The following TET3 variants were observed in gnomAD, a reference collection of about 807,000 sequenced individuals.
The protein encoded by TET3 is methylcytosine dioxygenase TET3.
A neutral mutation model predicts 141.4 loss-of-function variants in TET3; 19 were observed. That is an observed-to-expected ratio of 0.13 (90% CI 0.09 to 0.20). TET3 has a LOEUF of 0.20. Ranked by LOEUF, TET3 falls within the 10% of genes least tolerant of loss-of-function variation. The probability of loss-of-function intolerance (pLI) is 1.00; values close to 1 mark genes in which losing one functional copy is unlikely to be tolerated. For synonymous variants in TET3, 1,043 were observed against 980.9 expected, an observed-to-expected ratio of 1.06 and a Z score of -1.18; for missense variants, 1,874 against 2,356.9, an observed-to-expected ratio of 0.80 and a Z score of 4.24.
intron 3 of TET3, among the ~76,000 whole-genome samples, chr2:74,035,323 G>T (rs1452795746): frequency 1.3e-5 from 2 of 149,038 alleles, no homozygotes; most frequent in African/African-American, 5.0e-5. Context: ...AATGAGCTGG[G>T]CATGGTGGTG....
intron 2 of TET3, chr2:74,002,700 C>T (rs949641771): frequency 2.8e-5 from 12 of 431,430 alleles, no homozygotes; most frequent in African/African-American, 1.9e-4. Context: ...GCGCAGCCGG[C>T]AGCTGGCCGC....
intron 4 of TET3, among the ~76,000 whole-genome samples, chr2:74,065,556 T>G (rs963212985): frequency 1.1e-3 from 102 of 96,236 alleles, no homozygotes; most frequent in African/African-American, 8.1e-3. Context: ...CTTTTTTTTG[T>G]TTTTTTTTTT....
chr2:74,087,937 G>A lies in TET3; in HGVS notation c.2787G>A (p.Glu929=), dbSNP rs901944488. 4 of 1,552,960 alleles carry A rather than the reference G, an allele frequency of 2.6e-6. No homozygotes were observed. In the East Asian group the frequency reaches 9.8e-5, roughly 38 times the overall value. ...AVIVILILAW[E]GIPRSLGDTL... Reference sequence around the variant, plus strand: ...TCGTCATCCTCATCCTGGCCTGGGAGGGCATTCCCCGTAGCCTCGGAGACA... The same window carrying A: ...TCGTCATCCTCATCCTGGCCTGGGAAGGCATTCCCCGTAGCCTCGGAGACA... Residue 929 remains glutamate, a synonymous_variant, in exon 7 of 12, where the codon GAG becomes GAA. Coordinates refer to ENST00000409262, the MANE Select transcript of TET3 (RefSeq NM_001287491.2). The surrounding 1 kb of genome is among the most constrained non-coding windows in gnomAD (Gnocchi z 4.3).
At chr2:74,081,723 C>T (rs1361501119) in intron 6 of TET3, among the ~76,000 whole-genome samples, 1 of 152,214 alleles carries the variant, frequency 6.6e-6, no homozygotes, top group Non-Finnish European at 1.5e-5. Context: ...TATGCTACAA[C>T]ATGTGTAGGA....
At chr2:73,984,572 G>A (rs892422781), upstream of TET3, among the ~76,000 whole-genome samples, 3 of 151,956 alleles carry the variant, frequency 2.0e-5, no homozygotes, top group African/African-American at 7.2e-5. This position sits in a 1 kb window ranked among gnomAD's most constrained non-coding sequence, Gnocchi z 5.6. Context: ...GAGGGCCTAG[G>A]CTGGAAGGTC....
intron 3 of TET3, among the ~76,000 whole-genome samples, chr2:74,033,411 A>G (rs543811346): frequency 1.3e-5 from 2 of 152,336 alleles, no homozygotes; most frequent in Admixed American, 1.3e-4. Context: ...TTCCCCCATC[A>G]TAAAAACCTT....
intron 3 of TET3, among the ~76,000 whole-genome samples, chr2:74,011,246 AC>A (rs1685419374): frequency 1.3e-5 from 2 of 151,594 alleles, no homozygotes; most frequent in African/African-American, 2.4e-5. Flanking sequence ...AAAAAAAAAA[AC>A]ACTTTAAAAA....
intron 7 of TET3, among the ~76,000 whole-genome samples, chr2:74,089,422 G>A (rs1690350455): frequency 6.6e-6 from 1 of 152,176 alleles, no homozygotes. Flanking sequence ...CACTTGGGTT[G>A]TTTCCAGATT....
chr2:74,042,709 C>T (rs144045885), intron 3 of TET3, among the ~76,000 whole-genome samples: 1 of 152,214 alleles, frequency 6.6e-6, no homozygotes, highest in Non-Finnish European at 1.5e-5. Flanking sequence ...CTGGGCTGTT[C>T]TTAAATGCAG....
At chr2:74,110,850 C>A (rs6758499), downstream of TET3, among the ~76,000 whole-genome samples, 831 of 152,316 alleles carry the variant, frequency 5.5e-3, 5 homozygotes, top group African/African-American at 0.019. Context: ...CATGCTTCAT[C>A]CATTAACCCT....
At chr2:74,100,250 A>T (rs926182088) in intron 11 of TET3, 143 bp from the exon 12 acceptor site, 6 of 874,602 alleles carry the variant, frequency 6.9e-6, no homozygotes, top group Non-Finnish European at 1.1e-5. Flanking sequence ...TGGGCTGGAC[A>T]TGCCTCAGCA....
chr2:74,020,856 GCGTGTC>G (rs1416320858), intron 3 of TET3, among the ~76,000 whole-genome samples: 2 of 152,212 alleles, frequency 1.3e-5, no homozygotes, highest in Admixed American at 1.3e-4. Flanking sequence ...ATCTGGTTCA[GCGTGTC>G]CCGGGGTTTC....
At chr2:73,988,330 C>T (rs1684149288) in intron 2 of TET3, among the ~76,000 whole-genome samples, 1 of 152,114 alleles carries the variant, frequency 6.6e-6, no homozygotes, top group Non-Finnish European at 1.5e-5. Flanking sequence ...TCCTTTTCTT[C>T]CCCAGCCCCC....
intron 3 of TET3, among the ~76,000 whole-genome samples, chr2:74,022,870 A>G (rs1686130654): frequency 6.6e-6 from 1 of 151,956 alleles, no homozygotes; most frequent in South Asian, 2.1e-4. Flanking sequence ...TCCACCTCCC[A>G]GTTCAAGCGA....
intron 3 of TET3, among the ~76,000 whole-genome samples, chr2:74,018,476 G>A (rs1685854848): frequency 6.6e-6 from 1 of 152,078 alleles, no homozygotes; most frequent in Non-Finnish European, 1.5e-5. Flanking sequence ...GATTTCTAAG[G>A]TGAGATTTAT....
chr2:73,993,625 A>G (rs1684439544), intron 2 of TET3: 1 of 152,170 alleles, frequency 6.6e-6, no homozygotes, highest in Admixed American at 6.5e-5. Flanking sequence ...TAAGCCGGGG[A>G]GACAAGGACC....
chr2:74,074,264 A>G (rs1689370235), intron 5 of TET3, among the ~76,000 whole-genome samples: 1 of 152,184 alleles, frequency 6.6e-6, no homozygotes, highest in African/African-American at 2.4e-5. Context: ...ATTGGAGGAA[A>G]AGGTATTTAG....
chr2:74,134,984 G>A, the TET3 span: 7 of 275,248 alleles, frequency 2.5e-5, no homozygotes, highest in African/African-American at 1.3e-4. Context: ...CCTCAGCTGT[G>A]AGGGAGGCAG....
At chr2:74,018,127 C>T (rs1379438463) in intron 3 of TET3, among the ~76,000 whole-genome samples, 1 of 152,040 alleles carries the variant, frequency 6.6e-6, no homozygotes, top group South Asian at 2.1e-4. Context: ...GCCACCGTGC[C>T]CGACTAATTT....
Sources: gnomAD v4.1 joint callset for allele counts (sites outside exome capture counted in the v4.1 genomes callset) on GRCh38, gnomAD v4.1.1 for gene constraint, Gnocchi (gnomAD v3.1) non-coding constraint, MANE v1.5 for transcripts, NCBI Gene and HGNC (gene_info 2026-07-23, HGNC 2026-07-21) for gene names.